PCDHGA2: variants seen among roughly 807,000 people sequenced by gnomAD.
PCDHGA2 encodes the protein protocadherin gamma subfamily A, 2.
In PCDHGA2, 40 loss-of-function variants were observed where a neutral mutation model predicts 59.2. That is an observed-to-expected ratio of 0.68 (90% CI 0.52 to 0.88). The LOEUF (loss-of-function observed/expected upper bound fraction) is 0.88. PCDHGA2 is among the 40% of genes least tolerant of loss of function. The probability of loss-of-function intolerance (pLI) is 0.00; values close to 1 mark genes in which losing one functional copy is unlikely to be tolerated. For synonymous variants in PCDHGA2, 560 were observed against 526.0 expected, an observed-to-expected ratio of 1.06 and a Z score of -0.89; for missense variants, 1,226 against 1,204.0, an observed-to-expected ratio of 1.02 and a Z score of -0.27.
At chr5:141,474,452 G>A (rs1341193950) in intron 1 of PCDHGA2, among the ~76,000 whole-genome samples, 1 of 152,158 alleles carries the variant, frequency 6.6e-6, no homozygotes, top group Non-Finnish European at 1.5e-5. Flanking sequence ...CAAGTGATTG[G>A]GCTATACTCT....
intron 1 of PCDHGA2, chr5:141,419,105 C>G: frequency 6.2e-7 from 1 of 1,613,918 alleles, no homozygotes; most frequent in Non-Finnish European, 8.5e-7. Context: ...GGAGCAGACC[C>G]CAGAGTACAA....
Position 141,489,576 on chromosome 5 carries a change from C to G in PCDHGA2, c.2425-5231C>G. 6.2e-7 allele frequency: 1 copy of G among 1,614,054 alleles called. No individual in the cohort carries two copies. Among genetic ancestry groups the G allele is most frequent in the Non-Finnish European group, 8.5e-7 (1 of 1,179,976 alleles). On this transcript the variant is annotated intron_variant, in intron 1 of 3. Coordinates refer to ENST00000394576, the MANE Select transcript of PCDHGA2 (RefSeq NM_018915.4). This position sits in a 1 kb window ranked among gnomAD's most constrained non-coding sequence, Gnocchi z 4.5. ...TGCCAGTGCAGGTGGTGACTGAACA[C>G]CCCCTGGAGCTAATCCGTGTAGAGG...
chr5:141,450,251 C>T (rs2154563018), intron 1 of PCDHGA2, among the ~76,000 whole-genome samples: 1 of 152,200 alleles, frequency 6.6e-6, no homozygotes. Context: ...CTCCTGACCT[C>T]AAGTGATCTG....
chr5:141,479,521 T>A (rs4912607), intron 1 of PCDHGA2: 2 of 152,104 alleles, frequency 1.3e-5, no homozygotes, highest in Non-Finnish European at 2.9e-5. Context: ...CTGGCCCAGG[T>A]TGGAAGTGGA....
Position 141,383,322 on chromosome 5 carries a change from A to G in PCDHGA2, c.2424+41927A>G, listed in dbSNP as rs369432251. 6.8e-6 allele frequency: 11 copies of G among 1,613,876 alleles called. No homozygotes were observed. The African/African-American group carries it at 1.3e-4, about 20-fold the overall frequency. ...TCTTGACGGAAGAAATAAATGTAAA[A>G]ATAATGGAGAATACAGCTCCTGGGG... is the stretch of plus-strand genomic sequence containing the variant. On this transcript the variant is annotated intron_variant, in intron 1 of 3. Coordinates refer to ENST00000394576, the MANE Select transcript of PCDHGA2 (RefSeq NM_018915.4).
chr5:141,436,220 T>C (rs1179034537), intron 1 of PCDHGA2, among the ~76,000 whole-genome samples: 2 of 152,096 alleles, frequency 1.3e-5, no homozygotes, highest in Non-Finnish European at 2.9e-5. Flanking sequence ...ACAAATGACT[T>C]GGGAAACTAA....
intron 2 of PCDHGA2, among the ~76,000 whole-genome samples, chr5:141,498,397 G>A (rs1019408022): frequency 1.3e-5 from 2 of 152,136 alleles, no homozygotes; most frequent in African/African-American, 4.8e-5. Flanking sequence ...GAATGGCAGG[G>A]AGTTTTCTCT....
At chr5:141,420,094 G>A in intron 1 of PCDHGA2, 7 of 1,614,058 alleles carry the variant, frequency 4.3e-6, no homozygotes, top group Non-Finnish European at 5.9e-6. Flanking sequence ...ACTACAGTGA[G>A]GGAACGTTGC....
rs2099699514 is a variant in PCDHGA2 at position 141,490,385 on chromosome 5, A to G, written c.2425-4422A>G. 1 of 1,614,190 alleles carries G rather than the reference A, an allele frequency of 6.2e-7. No individual in the cohort carries two copies. Among genetic ancestry groups the G allele is most frequent in the African/African-American group, 1.3e-5 (1 of 75,032 alleles). ...GTGCGAGACCGGGACTCAGGTAGAA[A>G]TGGTGAAGTGAGCCTTGATATCTCT... On this transcript the variant is annotated intron_variant, in intron 1 of 3. Coordinates refer to ENST00000394576, the MANE Select transcript of PCDHGA2 (RefSeq NM_018915.4). This position sits in a 1 kb window ranked among gnomAD's most constrained non-coding sequence, Gnocchi z 5.4.
chr5:141,350,133 C>T, intron 1 of PCDHGA2: 1 of 737,120 alleles, frequency 1.4e-6, no homozygotes, highest in Admixed American at 3.6e-5. Context: ...TGAGCACAGA[C>T]GCTGCTCCTG....
At chr5:141,404,233 AG>A (rs2094501302) in intron 1 of PCDHGA2, 1 of 1,613,628 alleles carries the variant, frequency 6.2e-7, no homozygotes, top group African/African-American at 1.3e-5. Flanking sequence ...CAACAGACAG[AG>A]GAACTCCGCC....
At chr5:141,404,815 G>A in intron 1 of PCDHGA2, 2 of 1,610,532 alleles carry the variant, frequency 1.2e-6, no homozygotes, top group South Asian at 1.1e-5. Flanking sequence ...CGGTGGGGCT[G>A]CACACAGGTG....
At chr5:141,382,912 C>T in intron 1 of PCDHGA2, 1 of 1,552,240 alleles carries the variant, frequency 6.4e-7, no homozygotes, top group South Asian at 1.2e-5. Context: ...GGCGGCTCAG[C>T]CGAGGGGCGG....
chr5:141,486,832 A>G lies in PCDHGA2; in HGVS notation c.2425-7975A>G. 2.5e-6 allele frequency: 4 copies of G among 1,614,182 alleles called. No individual in the cohort carries two copies. Among genetic ancestry groups the G allele is most frequent in the South Asian group, 1.1e-5 (1 of 91,082 alleles). ...TTAGCAGCACTGTAACAGTTCGTCT[A>G]TTTGTGCTGGACCTCAATGACAATG... On this transcript the variant is annotated intron_variant, in intron 1 of 3. Transcript: ENST00000394576. The surrounding 1 kb of genome is among the most constrained non-coding windows in gnomAD (Gnocchi z 5.0).
At chr5:141,396,119 A>T (rs1190344282) in intron 1 of PCDHGA2, 1 of 152,250 alleles carries the variant, frequency 6.6e-6, no homozygotes, top group Non-Finnish European at 1.5e-5. Flanking sequence ...CCAATGTTTC[A>T]GGTACACAAG....
At chr5:141,351,039 G>C in intron 1 of PCDHGA2, 1 of 1,614,076 alleles carries the variant, frequency 6.2e-7, no homozygotes, top group Non-Finnish European at 8.5e-7. Context: ...TCCGTGCTGC[G>C]GGTGATGGCC....
chr5:141,466,195 C>G (rs1269214888), intron 1 of PCDHGA2, among the ~76,000 whole-genome samples: 1 of 151,748 alleles, frequency 6.6e-6, no homozygotes, highest in Non-Finnish European at 1.5e-5. Flanking sequence ...TTTTCAGACA[C>G]AGCCTTGCTC....
At chr5:141,447,937 T>A (rs1036604034) in intron 1 of PCDHGA2, among the ~76,000 whole-genome samples, 1 of 151,852 alleles carries the variant, frequency 6.6e-6, no homozygotes, top group Non-Finnish European at 1.5e-5. Context: ...AATACAAAAA[T>A]TAGCTGGGCA....
In PCDHGA2 at chr5:141,387,468, A is replaced by G. The variant is rs190489292; in HGVS notation, c.2424+46073A>G. On this transcript the variant is annotated intron_variant, in intron 1 of 3. Transcript: ENST00000394576. ...TACATGATTTGCCTAAAAATCCTCA[A>G]AGTTGGGATGAAGGCATTCCTAAGA... Among the ~76,000 whole-genome samples the G allele has an allele frequency of 3.6e-3, 554 of 152,350 alleles. 1 individual carries two copies. Among genetic ancestry groups the G allele is most frequent in the Non-Finnish European group, 6.0e-3 (405 of 68,034 alleles).
Sources: gnomAD v4.1 joint callset for allele counts (sites outside exome capture counted in the v4.1 genomes callset) on GRCh38, gnomAD v4.1.1 for gene constraint, Gnocchi (gnomAD v3.1) non-coding constraint, MANE v1.5 for transcripts, NCBI Gene and HGNC (gene_info 2026-07-23, HGNC 2026-07-21) for gene names.